THSD7B: variants seen among roughly 807,000 people sequenced by gnomAD.
THSD7B encodes thrombospondin type 1 domain containing 7B.
Under a neutral mutation model 213.6 loss-of-function variants are expected in THSD7B, and 138 were observed. That is an observed-to-expected ratio of 0.65 (90% CI 0.56 to 0.74). The LOEUF is 0.74. THSD7B is among the 30% of genes least tolerant of loss of function. The probability of loss-of-function intolerance (pLI) is 0.00; values close to 1 mark genes in which losing one functional copy is unlikely to be tolerated. For synonymous variants in THSD7B, 742 were observed against 687.0 expected, an observed-to-expected ratio of 1.08 and a Z score of -1.25; for missense variants, 1,931 against 1,991.5, an observed-to-expected ratio of 0.97 and a Z score of 0.58.
At chr2:136,895,672 T>C (rs1683946414) in intron 2 of THSD7B, among the ~76,000 whole-genome samples, 1 of 152,026 alleles carries the variant, frequency 6.6e-6, no homozygotes, top group Non-Finnish European at 1.5e-5. Context: ...ATTCAAACTT[T>C]TTAGTACATT....
intron 17 of THSD7B, among the ~76,000 whole-genome samples, chr2:137,575,188 A>G (rs1309426788): frequency 6.6e-6 from 1 of 152,036 alleles, no homozygotes; most frequent in Non-Finnish European, 1.5e-5. Context: ...TTTTTTTCAG[A>G]TTGTTTAAAA....
chr2:136,792,634 T>C (rs540124605), intron 1 of THSD7B, among the ~76,000 whole-genome samples: 1 of 152,066 alleles, frequency 6.6e-6, no homozygotes, highest in East Asian at 1.9e-4. Flanking sequence ...GAGCACTCTG[T>C]ATTAATTCTA....
intron 1 of THSD7B, among the ~76,000 whole-genome samples, chr2:136,820,536 C>T (rs1474699962): frequency 6.6e-6 from 1 of 152,108 alleles, no homozygotes; most frequent in Non-Finnish European, 1.5e-5. Context: ...TTCAAGAACA[C>T]TGATACTACA....
chr2:137,204,279 G>A (rs892882), intron 7 of THSD7B, among the ~76,000 whole-genome samples: 90,369 of 151,928 alleles, frequency 0.59, 27,260 homozygotes, highest in South Asian at 0.71. Context: ...CAAATTCTTA[G>A]TAAAGGGACA....
intron 12 of THSD7B, among the ~76,000 whole-genome samples, chr2:137,402,748 G>A (rs866330543): frequency 2.0e-5 from 3 of 150,562 alleles, no homozygotes; most frequent in South Asian, 2.1e-4. Flanking sequence ...CCCAGCAGGC[G>A]GAGGTTGCAG....
intron 2 of THSD7B, among the ~76,000 whole-genome samples, chr2:136,984,399 ATTTT>A (rs1685636475): frequency 6.6e-6 from 1 of 152,134 alleles, no homozygotes; most frequent in African/African-American, 2.4e-5. Context: ...TCGCTCAGTT[ATTTT>A]GTGTGAGATC....
At chr2:136,953,909 G>C (rs75476271) in intron 2 of THSD7B, among the ~76,000 whole-genome samples, 2,244 of 152,242 alleles carry the variant, frequency 0.015, 72 homozygotes, top group African/African-American at 0.051. Context: ...AGATGTAAGG[G>C]ATTTGCTTAA....
intron 2 of THSD7B, among the ~76,000 whole-genome samples, chr2:136,892,701 G>T (rs1372253759): frequency 6.6e-6 from 1 of 151,622 alleles, no homozygotes; most frequent in African/African-American, 2.4e-5. Flanking sequence ...AAGGGACAGA[G>T]GAAAGGATCT....
intron 15 of THSD7B, among the ~76,000 whole-genome samples, chr2:137,528,150 G>A (rs76859428): frequency 6.6e-6 from 1 of 151,990 alleles, no homozygotes. Flanking sequence ...GCCCAATCTT[G>A]TTGGCCCAAA....
chr2:137,333,172 C>T (rs1684553269), intron 12 of THSD7B, among the ~76,000 whole-genome samples: 1 of 152,062 alleles, frequency 6.6e-6, no homozygotes, highest in African/African-American at 2.4e-5. Context: ...AGAACTAATC[C>T]TGGACGTCTA....
At chr2:136,844,964 T>C (rs1440203848) in intron 1 of THSD7B, among the ~76,000 whole-genome samples, 9 of 152,232 alleles carry the variant, frequency 5.9e-5, no homozygotes, top group African/African-American at 2.2e-4. Flanking sequence ...TCACCCTTCT[T>C]CCTTTCATAT....
chr2:137,435,468 A>T (rs1054214294), intron 14 of THSD7B, among the ~76,000 whole-genome samples: 2 of 152,214 alleles, frequency 1.3e-5, no homozygotes, highest in African/African-American at 4.8e-5. Context: ...ATGCACAGAG[A>T]TCTTAAAGAT....
Position 137,184,386 on chromosome 2 carries a change from A to G in THSD7B, c.1723+13448A>G, listed in dbSNP as rs549515762. On this transcript the variant is annotated intron_variant, in intron 7 of 27. Transcript: ENST00000409968. ...ATTTTTGAGGGTACACATTCAAACCACAGCAGTGACTTACTCCCATTTTAC... is the reference window on the plus strand; with the variant it reads ...ATTTTTGAGGGTACACATTCAAACCGCAGCAGTGACTTACTCCCATTTTAC... 1.2e-3 allele frequency among the ~76,000 whole-genome samples: 179 copies of G among 152,248 alleles called. 1 individual carries two copies. The highest frequency in any genetic ancestry group is 4.2e-3 in the African/African-American group (173 of 41,560).
intron 3 of THSD7B, among the ~76,000 whole-genome samples, chr2:137,074,422 G>C (rs1173098926): frequency 6.6e-6 from 1 of 151,294 alleles, no homozygotes; most frequent in African/African-American, 2.4e-5. Context: ...GCCTTTTTTT[G>C]TTTTCCATTT....
At chr2:137,421,211 T>G (rs996042925) in intron 14 of THSD7B, among the ~76,000 whole-genome samples, 2 of 152,198 alleles carry the variant, frequency 1.3e-5, no homozygotes, top group Admixed American at 6.5e-5. Flanking sequence ...GTATGGGAGT[T>G]TTTCCCCCAC....
At chr2:137,662,433 C>T (rs1346508509) in intron 25 of THSD7B, among the ~76,000 whole-genome samples, 2 of 151,714 alleles carry the variant, frequency 1.3e-5, no homozygotes, top group African/African-American at 4.8e-5. Context: ...CTCGCTGCAA[C>T]CAATTATTAT....
In THSD7B at chr2:137,609,976, T is replaced by C. The variant is rs192487456; in HGVS notation, c.3424-6199T>C. Among the ~76,000 whole-genome samples the C allele has an allele frequency of 2.0e-3, 309 of 152,248 alleles. 1 individual carries two copies. Among genetic ancestry groups the C allele is most frequent in the Non-Finnish European group, 3.7e-3 (249 of 68,020 alleles). ...TGTAAGAAAAATAAGGGAGTCAAAA[T>C]TGACTTCAAACTTTTTGACCTGAGC... On this transcript the variant is annotated intron_variant, in intron 17 of 27. Transcript: ENST00000409968.
At chr2:136,969,637 A>G (rs1685373694) in intron 2 of THSD7B, among the ~76,000 whole-genome samples, 1 of 152,212 alleles carries the variant, frequency 6.6e-6, no homozygotes, top group Non-Finnish European at 1.5e-5. Flanking sequence ...AACTATTTAA[A>G]AGGCATGAAT....
In THSD7B at chr2:136,954,740, T is replaced by TAAAAAAAG. The variant is rs773677139; in HGVS notation, c.139+72424_139+72425insAAAAAAGA. On this transcript the variant is annotated intron_variant, in intron 2 of 27. Coordinates refer to ENST00000409968, the MANE Select transcript of THSD7B (RefSeq NM_001316349.2). ...AAAAAAAAAAAAAAAAAAAAGAAAT[T>TAAAAAAAG]ACATAAGAGCTTTTATACTGTTTAT... 1.6e-3 allele frequency among the ~76,000 whole-genome samples: 217 copies of TAAAAAAAG among 137,428 alleles called. 6 individuals carry two copies. In the East Asian group the frequency reaches 0.026, roughly 17 times the overall value. 90.2% of individuals were successfully genotyped at this position (137,428 alleles called of 152,430 possible). A position where few individuals can be genotyped will look rare whatever the true frequency, so the allele number is the denominator to read the frequency against.
Sources: gnomAD v4.1 joint callset for allele counts (sites outside exome capture counted in the v4.1 genomes callset) on GRCh38, gnomAD v4.1.1 for gene constraint, MANE v1.5 for transcripts, NCBI Gene and HGNC (gene_info 2026-07-23, HGNC 2026-07-21) for gene names.